LPA: variants seen among roughly 807,000 people sequenced by gnomAD.
LPA encodes the protein apolipoprotein(a).
A neutral mutation model predicts 197.9 loss-of-function variants in LPA; 199 were observed. The observed-to-expected ratio is 1.01, with a 90% CI of 0.90 to 1.13. LPA has a LOEUF of 1.13. Among genes scored for constraint, LPA ranks in the 50% most tolerant of loss-of-function variants. The probability of loss-of-function intolerance (pLI) is 0.00; values close to 1 mark genes in which losing one functional copy is unlikely to be tolerated. For synonymous variants in LPA, 715 were observed against 639.5 expected (o/e 1.12, Z -1.78); for missense variants, 1,853 against 1,785.8 (o/e 1.04, Z -0.68).
At chr6:160,568,105 T>G (rs9347414) in intron 28 of LPA, among the ~76,000 whole-genome samples, 28,874 of 152,088 alleles carry the variant, frequency 0.19, 3,100 homozygotes, top group East Asian at 0.4. Context: ...ATTCCAATCA[T>G]AGAAAAAGAG....
chr6:160,545,334 C>T (rs2115001539), intron 33 of LPA, 106 bp downstream of exon 33: 2 of 817,946 alleles, frequency 2.4e-6, no homozygotes, highest in Admixed American at 2.0e-5. Flanking sequence ...GCCATCTCCT[C>T]CCCAGAAGCA....
intron 2 of LPA, among the ~76,000 whole-genome samples, chr6:160,649,410 C>T (rs191024433): frequency 9.0e-4 from 137 of 152,292 alleles, no homozygotes; most frequent in Non-Finnish European, 1.5e-3. Flanking sequence ...GATTTCTATG[C>T]ATATTTCTAG....
chr6:160,532,876 G>C (rs1330600515), intron 37 of LPA, among the ~76,000 whole-genome samples: 2 of 152,184 alleles, frequency 1.3e-5, no homozygotes, highest in Admixed American at 1.3e-4. Context: ...TTGTCATGCT[G>C]CTTTGGGGTT....
rs1357929263 is a variant in LPA at position 160,586,748 on chromosome 6, A to G, written c.3948-118T>C. 3.0e-5 allele frequency: 41 copies of G among 1,375,156 alleles called. No homozygotes were observed. In the East Asian group the frequency reaches 8.1e-4, roughly 27 times the overall value. The allele number at this position is 1,375,156 out of a possible 1,614,324, so 85.2% of individuals were successfully genotyped here. On this transcript the variant is annotated intron_variant, in intron 24 of 38. Transcript: ENST00000316300. Reference sequence around the variant, plus strand: ...CAAGCAAATTTGAAATATTCTCACTAAAGTCCCATAACACTCACAAATGGT... The same window carrying G: ...CAAGCAAATTTGAAATATTCTCACTGAAGTCCCATAACACTCACAAATGGT...
At chr6:160,598,054 G>A (rs1779166415) in intron 20 of LPA, among the ~76,000 whole-genome samples, 1 of 152,168 alleles carries the variant, frequency 6.6e-6, no homozygotes, top group Non-Finnish European at 1.5e-5. Context: ...CATAAAGTCT[G>A]ACTTTTCTGA....
At chr6:160,587,001 T>C (rs113606054) in intron 24 of LPA, among the ~76,000 whole-genome samples, 5 of 152,356 alleles carry the variant, frequency 3.3e-5, no homozygotes, top group African/African-American at 1.2e-4. Context: ...TACAAATGTT[T>C]ATCTGTCAGG....
intron 26 of LPA, among the ~76,000 whole-genome samples, chr6:160,584,258 CTCT>C (rs1322847957): frequency 1.1e-3 from 133 of 120,364 alleles, no homozygotes; most frequent in African/African-American, 2.5e-3. Context: ...CCTCCTCCTC[CTCT>C]TCCTCTTCCT....
chr6:160,608,819 T>TTGTGTGTG (rs10526739), intron 16 of LPA, among the ~76,000 whole-genome samples: 14,393 of 149,380 alleles, frequency 0.096, 733 homozygotes, highest in Non-Finnish European at 0.12. Flanking sequence ...TTCTTGAGGG[T>TTGTGTGTG]TGTGTGTGTG....
chr6:160,575,658 C>T (rs1778641411), intron 28 of LPA, among the ~76,000 whole-genome samples: 1 of 152,110 alleles, frequency 6.6e-6, no homozygotes, highest in Non-Finnish European at 1.5e-5. Flanking sequence ...CTACTGAATG[C>T]CCAAGATTTG....
At chr6:160,556,820 G>A (rs1778273056) in intron 29 of LPA, among the ~76,000 whole-genome samples, 2 of 152,138 alleles carry the variant, frequency 1.3e-5, no homozygotes, top group South Asian at 2.1e-4. Flanking sequence ...CACGTTCCAT[G>A]AGAAGAAGGC....
At chr6:160,562,241 C>T (rs1778374758) in intron 28 of LPA, among the ~76,000 whole-genome samples, 1 of 152,276 alleles carries the variant, frequency 6.6e-6, no homozygotes, top group African/African-American at 2.4e-5. Context: ...AGACATGCTC[C>T]ATCAATACCT....
chr6:160,582,792 T>C (rs1453016006), intron 26 of LPA, among the ~76,000 whole-genome samples: 1 of 152,114 alleles, frequency 6.6e-6, no homozygotes, highest in Non-Finnish European at 1.5e-5. Context: ...TCTGTTCCAA[T>C]ATCTCTTTCC....
chr6:160,599,655 CA>C lies in LPA; in HGVS notation c.3131del (p.Leu1044ArgfsTer38). 1 of 1,613,982 alleles carries C rather than the reference CA, an allele frequency of 6.2e-7. No individual in the cohort carries two copies. Among genetic ancestry groups the C allele is most frequent in the Non-Finnish European group, 8.5e-7 (1 of 1,179,932 alleles). Reference protein sequence around the residue: ...PSLEAFFEQALTEETPGVQDC... With the variant: ...PSLEAFFEQAXTEETPGVQDC... ...CCTGTACCCCGGGGGTTTCCTCAGTCAGTGCTGAAATTAAAACAGAAGACAT... is the reference window on the plus strand; with the variant it reads ...CCTGTACCCCGGGGGTTTCCTCAGTCGTGCTGAAATTAAAACAGAAGACAT... On this transcript the variant is annotated frameshift_variant, in exon 20 of 39. Transcript: ENST00000316300. LOFTEE classifies it high-confidence loss of function.
At chr6:160,653,989 A>T (rs12201989) in intron 1 of LPA, among the ~76,000 whole-genome samples, 2,500 of 7,394 alleles carry the variant, frequency 0.34, 329 homozygotes, top group African/African-American at 0.48. Context: ...ATAATATATA[A>T]TATATATTAT....
chr6:160,584,037 C>G (rs1049230981), intron 26 of LPA, among the ~76,000 whole-genome samples: 8 of 152,158 alleles, frequency 5.3e-5, no homozygotes, highest in African/African-American at 1.9e-4. Context: ...CATCTGTTTA[C>G]TTCCTGACTC....
At chr6:160,602,218 T>C (rs931943072) in intron 18 of LPA, among the ~76,000 whole-genome samples, 2 of 152,226 alleles carry the variant, frequency 1.3e-5, no homozygotes, top group African/African-American at 4.8e-5. Context: ...CTTGAAAGAC[T>C]TCTTTTTCTT....
chr6:160,646,944 G>T (rs1311872717), intron 2 of LPA, among the ~76,000 whole-genome samples: 8 of 152,102 alleles, frequency 5.3e-5, no homozygotes, highest in African/African-American at 1.7e-4. Context: ...CTAGTGAAAA[G>T]GCTCTACCTT....
chr6:160,549,593 C>T (rs1313402963), intron 30 of LPA, among the ~76,000 whole-genome samples: 3 of 152,174 alleles, frequency 2.0e-5, no homozygotes, highest in Non-Finnish European at 4.4e-5. Context: ...AGCTAAAAGG[C>T]TCTGCATTTA....
chr6:160,578,538 C>G lies in LPA; in HGVS notation c.4456G>C (p.Ala1486Pro), dbSNP rs781183372. The G allele has an allele frequency of 6.2e-7, 1 of 1,613,860 alleles. No individual in the cohort carries two copies. Among genetic ancestry groups the G allele is most frequent in the East Asian group, 2.2e-5 (1 of 44,882 alleles). Residue 1486 changes from alanine (A) to proline (P), a missense_variant, in exon 27 of 39, where the codon GCT becomes CCT. Physicochemically the swap from Ala to Pro is conservative, Grantham distance 27. Transcript: ENST00000316300. ...AATTTCTTACCTTGTTCAGAAGGAG[C>G]CTCTGTGCTTGGAACCGGGGCCACT... is the stretch of plus-strand genomic sequence containing the variant. Reference protein sequence around the residue: ...PTVAPVPSTEAPSEQAPPEKS... With the variant: ...PTVAPVPSTEPPSEQAPPEKS...
Sources: allele counts gnomAD v4.1 joint callset (sites outside exome capture counted in the v4.1 genomes callset), GRCh38; gene constraint gnomAD v4.1.1; transcripts MANE v1.5; gene names NCBI Gene and HGNC (gene_info 2026-07-23, HGNC 2026-07-21).